The following SENP6 variants were observed in gnomAD, a reference collection of about 807,000 sequenced individuals.
SENP6 encodes the protein SUMO specific peptidase 6.
Under a neutral mutation model 134.5 loss-of-function variants are expected in SENP6, and 41 were observed. That is an observed-to-expected ratio of 0.30 (90% CI 0.24 to 0.40). The LOEUF (loss-of-function observed/expected upper bound fraction) is 0.40, where lower values mean the gene tolerates loss of function less well. Among genes scored for constraint, SENP6 ranks in the 10% least tolerant of loss-of-function variants. The probability of loss-of-function intolerance (pLI) is 1.00; values close to 1 mark genes in which losing one functional copy is unlikely to be tolerated. For missense variants in SENP6, 1,248 were observed against 1,312.5 expected, an observed-to-expected ratio of 0.95 and a Z score of 0.76; for synonymous variants, 395 against 429.8, an observed-to-expected ratio of 0.92 and a Z score of 1.00.
At chr6:75,614,353 C>T (rs518622) in intron 1 of SENP6, among the ~76,000 whole-genome samples, 46,527 of 151,074 alleles carry the variant, frequency 0.31, 7,803 homozygotes, top group African/African-American at 0.45. Flanking sequence ...GCAACCTCTG[C>T]CTCCCAGGTT....
intron 10 of SENP6, 88 bp from the exon 11 acceptor site, chr6:75,670,465 C>T (rs946052887): frequency 1.2e-6 from 1 of 835,470 alleles, no homozygotes; most frequent in Admixed American, 2.6e-5. Flanking sequence ...ATTTACATTT[C>T]TTATATTGGG....
chr6:75,612,659 A>T (rs951285809), intron 1 of SENP6, among the ~76,000 whole-genome samples: 2 of 152,196 alleles, frequency 1.3e-5, no homozygotes, highest in African/African-American at 4.8e-5. Flanking sequence ...ACATCACTAC[A>T]GTGGGAGATG....
chr6:75,690,245 C>T (rs1178648375), intron 16 of SENP6, among the ~76,000 whole-genome samples: 2 of 152,202 alleles, frequency 1.3e-5, no homozygotes, highest in Non-Finnish European at 2.9e-5. Flanking sequence ...TTTGCACACC[C>T]ATGTTCATAA....
Position 75,652,254 on chromosome 6 carries a change from G to T in SENP6, c.550+4453G>T, listed in dbSNP as rs138935356. On this transcript the variant is annotated intron_variant, in intron 7 of 23. Transcript: ENST00000447266. ...CAACTTTTTTTTGACCTCGTGATCC[G>T]CCTGCCTCAGCCTCCCAAAGTGCTG... Among the ~76,000 whole-genome samples, 34 of 151,558 alleles carry T rather than the reference G, an allele frequency of 2.2e-4. 1 individual carries two copies. The East Asian group carries it at 6.1e-3, about 27-fold the overall frequency.
intron 1 of SENP6, among the ~76,000 whole-genome samples, chr6:75,605,024 G>A (rs1363706816): frequency 1.3e-5 from 2 of 152,054 alleles, no homozygotes; most frequent in East Asian, 1.9e-4. Flanking sequence ...AGTGAGCCGA[G>A]ATCGCACCAT....
chr6:75,706,978 C>G (rs928816699), intron 19 of SENP6, among the ~76,000 whole-genome samples: 1 of 152,198 alleles, frequency 6.6e-6, no homozygotes, highest in Non-Finnish European at 1.5e-5. Flanking sequence ...TTCACATGGT[C>G]TCCTTATATG....
intron 7 of SENP6, among the ~76,000 whole-genome samples, chr6:75,658,354 A>G (rs1337762682): frequency 6.6e-6 from 1 of 152,122 alleles, no homozygotes; most frequent in Non-Finnish European, 1.5e-5. Flanking sequence ...ATGTCTACAT[A>G]ATCTTATTTT....
chr6:75,658,651 G>A (rs2149860043), intron 7 of SENP6, among the ~76,000 whole-genome samples: 1 of 152,028 alleles, frequency 6.6e-6, no homozygotes, highest in South Asian at 2.1e-4. Flanking sequence ...GTGTTCCAAA[G>A]TTAGAAAATT....
intron 6 of SENP6, among the ~76,000 whole-genome samples, chr6:75,647,086 G>A (rs565262650): frequency 1.1e-3 from 174 of 152,208 alleles, no homozygotes; most frequent in African/African-American, 3.8e-3. Flanking sequence ...TTATTTTTAT[G>A]TGGTTTATTT....
chr6:75,685,842 G>A (rs1314623234), intron 16 of SENP6, among the ~76,000 whole-genome samples: 16 of 152,160 alleles, frequency 1.1e-4, no homozygotes, highest in Admixed American at 7.2e-4. Context: ...GAATAAGTGC[G>A]ATGTGGTGCT....
At chr6:75,606,322 C>T (rs1767023313) in intron 1 of SENP6, among the ~76,000 whole-genome samples, 1 of 152,140 alleles carries the variant, frequency 6.6e-6, no homozygotes, top group Admixed American at 6.6e-5. Context: ...TTTCTACTCT[C>T]CTCTCCCCTC....
intron 3 of SENP6, among the ~76,000 whole-genome samples, chr6:75,624,936 T>C (rs770601275): frequency 6.6e-6 from 1 of 152,248 alleles, no homozygotes; most frequent in East Asian, 1.9e-4. Flanking sequence ...AGTTTGAGAC[T>C]ACCTGGACAA....
chr6:75,675,876 T>C lies in SENP6; in HGVS notation c.1443T>C (p.Pro481=). The C allele has an allele frequency of 6.3e-7, 1 of 1,598,160 alleles. No individual in the cohort carries two copies. Among genetic ancestry groups the C allele is most frequent in the Non-Finnish European group, 8.5e-7 (1 of 1,175,030 alleles). The change falls in exon 13 of 24, where the codon CCT becomes CCC. Residue 481 remains proline, a synonymous_variant. Transcript: ENST00000447266. The part of the protein sequence containing the change: ...KIQLDEPDHD[P]VEIILNTSDL... ...TTCCTCCAGAACCAGACCATGATCCTGTAGAGATTATATTAAATACCTCTG... is the reference window on the plus strand; with the variant it reads ...TTCCTCCAGAACCAGACCATGATCCCGTAGAGATTATATTAAATACCTCTG...
chr6:75,673,319 C>CTTT (rs373435139), intron 11 of SENP6, among the ~76,000 whole-genome samples: 3,035 of 116,866 alleles, frequency 0.026, 215 homozygotes, highest in African/African-American at 0.076. Flanking sequence ...CCAATGTCTA[C>CTTT]TTTTTTTTTT....
At chr6:75,617,362 C>G (rs763220740) in intron 1 of SENP6, among the ~76,000 whole-genome samples, 3 of 139,472 alleles carry the variant, frequency 2.2e-5, no homozygotes, top group Non-Finnish European at 4.5e-5. Flanking sequence ...CGACCTCCGT[C>G]TCCTGGGTTC....
chr6:75,670,786 T>A, intron 11 of SENP6, 66 bp downstream of exon 11: 1 of 827,036 alleles, frequency 1.2e-6, no homozygotes, highest in African/African-American at 1.8e-5. Context: ...CTAAAGCTAA[T>A]ATATAATATT....
Position 75,711,968 on chromosome 6 carries a change from C to T in SENP6, c.2909+552C>T, listed in dbSNP as rs536735724. Among the ~76,000 whole-genome samples the T allele has an allele frequency of 6.6e-5, 10 of 152,274 alleles. No homozygotes were observed. In the South Asian group the frequency reaches 2.1e-3, roughly 32 times the overall value. The stretch of plus-strand genomic sequence containing the variant: ...GATTACAGGCGTGACCCATCGCGCC[C>T]GGCCACAAGTTTTGATAGTGAACCA... On this transcript the variant is annotated intron_variant, in intron 21 of 23. Coordinates refer to ENST00000447266, the MANE Select transcript of SENP6 (RefSeq NM_015571.4).
In SENP6 at chr6:75,709,607, T is replaced by C; in HGVS notation, c.2797T>C (p.Phe933Leu). The change falls in exon 20 of 24, where the codon TTC (phenylalanine) becomes CTC (leucine). Residue 933 changes from phenylalanine (F) to leucine (L), a missense_variant. Around this residue, in one of 3 missense-constraint regions of SENP6, gnomAD observed 386 missense variants for 395.0 expected, o/e 0.98. Coordinates refer to ENST00000447266, the MANE Select transcript of SENP6 (RefSeq NM_015571.4). The stretch of plus-strand genomic sequence containing the variant: ...AATGCTTGAAGATGAACTCGTCGAC[T>C]TCTCAGAAGATCAGGATAACCAGGT... ...GKMLEDELVDFSEDQDNQDDS... is the reference protein window; with the variant it reads ...GKMLEDELVDLSEDQDNQDDS... 4 of 1,613,530 alleles carry C rather than the reference T, an allele frequency of 2.5e-6. No individual in the cohort carries two copies. Among genetic ancestry groups the C allele is most frequent in the Non-Finnish European group, 2.5e-6 (3 of 1,179,508 alleles).
chr6:75,678,928 G>A lies in SENP6; in HGVS notation c.2075+1G>A. ...ATGTTATTATAGACTTTTATTTGAA[G>A]TAAGTTAATTTTCCACTGATCTTTT... is the stretch of plus-strand genomic sequence containing the variant. On this transcript the variant is annotated splice_donor_variant, in intron 16 of 23. Coordinates refer to ENST00000447266, the MANE Select transcript of SENP6 (RefSeq NM_015571.4). LOFTEE classifies it high-confidence loss of function. The A allele has an allele frequency of 7.6e-7, 1 of 1,317,920 alleles. No individual in the cohort carries two copies. Among genetic ancestry groups the A allele is most frequent in the Non-Finnish European group, 1.1e-6 (1 of 921,242 alleles). The allele number at this position is 1,317,920 out of a possible 1,614,324, so 81.6% of individuals were successfully genotyped here. A position where few individuals can be genotyped will look rare whatever the true frequency, so the allele number is the denominator to read the frequency against.
Sources: gnomAD v4.1 joint callset for allele counts (sites outside exome capture counted in the v4.1 genomes callset) on GRCh38, gnomAD v4.1.1 for gene constraint, gnomAD v4.1.1 regional missense constraint, MANE v1.5 for transcripts, NCBI Gene and HGNC (gene_info 2026-07-23, HGNC 2026-07-21) for gene names.